The following ITPRID2 variants were observed in gnomAD, a reference collection of about 807,000 sequenced individuals.
The protein encoded by ITPRID2 is protein ITPRID2.
A neutral mutation model predicts 124.3 loss-of-function variants in ITPRID2; 60 were observed. The ratio of observed to expected loss-of-function variants is 0.48; its 90% CI spans 0.39 to 0.60. ITPRID2 has a LOEUF of 0.60. ITPRID2 is among the 20% of genes least tolerant of loss of function. ITPRID2 has a pLI of 0.00. For synonymous variants in ITPRID2, 521 were observed against 542.9 expected (o/e 0.96, Z 0.56); for missense variants, 1,553 against 1,512.2 (o/e 1.03, Z -0.45).
In ITPRID2 at chr2:181,916,024, T is replaced by A. The variant is rs1338747646; in HGVS notation, c.2384T>A (p.Leu795Ter). ...KRVMEHDGQS[L>*]VKSTIFISPS... The stretch of plus-strand genomic sequence containing the variant: ...GTGATGGAACATGATGGTCAGTCTT[T>A]AGTTAAATCGACCATTTTCATCTCT... The change falls in exon 11 of 18, where the codon TTA becomes TAA. Residue 795 changes from leucine (L) to a stop codon, truncating the protein, a stop_gained. Transcript: ENST00000431877. LOFTEE classifies it high-confidence loss of function. 1 of 1,614,162 alleles carries A rather than the reference T, an allele frequency of 6.2e-7. No individual in the cohort carries two copies. Among genetic ancestry groups the A allele is most frequent in the Non-Finnish European group, 8.5e-7 (1 of 1,180,032 alleles).
At chr2:181,900,656 T>G (rs1458474307) in intron 6 of ITPRID2, 40 bp from the exon 7 acceptor site, 1 of 1,414,476 alleles carries the variant, frequency 7.1e-7, no homozygotes, top group Admixed American at 1.9e-5. Flanking sequence ...CAATTTATTT[T>G]ATATTTTCAT....
intron 8 of ITPRID2, among the ~76,000 whole-genome samples, 182 bp from the exon 9 acceptor site, chr2:181,909,717 C>G (rs1057018391): frequency 6.6e-6 from 1 of 152,072 alleles, no homozygotes; most frequent in Admixed American, 6.6e-5. Context: ...GAAAATAGAT[C>G]AGAAAATTTA....
At chr2:181,925,774 C>T (rs1250242262) in intron 16 of ITPRID2, among the ~76,000 whole-genome samples, 1 of 152,140 alleles carries the variant, frequency 6.6e-6, no homozygotes, top group Non-Finnish European at 1.5e-5. Flanking sequence ...GGCAGTCAGG[C>T]TCCATTATAC....
Position 181,929,600 on chromosome 2 carries a change from T to C in ITPRID2, c.*53T>C, listed in dbSNP as rs544283228. 7.7e-5 allele frequency: 125 copies of C among 1,613,246 alleles called. No individual in the cohort carries two copies. In the South Asian group the frequency reaches 1.2e-3, roughly 16 times the overall value. On this transcript the variant is annotated 3_prime_UTR_variant, in exon 18 of 18. Coordinates refer to ENST00000431877, the MANE Select transcript of ITPRID2 (RefSeq NM_001130445.3). ...TATTAGCTGTGTAATACTGGAATTATCAATGATATGCACTGGTGGAGGTGT... is the reference window on the plus strand; with the variant it reads ...TATTAGCTGTGTAATACTGGAATTACCAATGATATGCACTGGTGGAGGTGT...
At position 181,918,823 on chromosome 2, in the gene ITPRID2, A is replaced by G. The variant is rs78894663; in HGVS notation, c.2934A>G (p.Leu978=). The change falls in exon 13 of 18, where the codon TTA becomes TTG. Residue 978 remains leucine (L), a synonymous_variant. Coordinates refer to ENST00000431877, the MANE Select transcript of ITPRID2 (RefSeq NM_001130445.3). ...LNLFRTQMMD[L]ELAMLRQQTM... ...TGTTTAGAACACAAATGATGGATTT[A>G]GAATTGGCAATGCTGCGTCAGCAAA... 1.5e-3 allele frequency: 2,391 copies of G among 1,614,212 alleles called. 26 individuals carry two copies. In the African/African-American group the frequency reaches 0.028, roughly 19 times the overall value.
At chr2:181,898,002 C>T (rs893761898) in intron 4 of ITPRID2, among the ~76,000 whole-genome samples, 5 of 151,848 alleles carry the variant, frequency 3.3e-5, no homozygotes, top group Admixed American at 6.6e-5. Context: ...TGATATTTGC[C>T]TTGGTAGTTT....
Position 181,915,913 on chromosome 2 carries a change from T to C in ITPRID2, c.2273T>C (p.Leu758Ser). The C allele has an allele frequency of 1.2e-6, 2 of 1,614,204 alleles. No individual in the cohort carries two copies. Among genetic ancestry groups the C allele is most frequent in the Non-Finnish European group, 8.5e-7 (1 of 1,180,030 alleles). Residue 758 changes from leucine to serine, a missense_variant, in exon 11 of 18, where the codon TTA becomes TCA. Leu to Ser is a moderately radical substitution (Grantham distance 145, BLOSUM62 -2). Transcript: ENST00000431877. The part of the protein sequence containing the change: ...VRVVSSVNVR[L>S]SPGKETRCSP... The stretch of plus-strand genomic sequence containing the variant: ...GTTGTGTCCTCTGTCAATGTTCGAT[T>C]ATCTCCAGGAAAAGAGACCAGATGC...
At chr2:181,916,592 G>A (rs6754192) in intron 11 of ITPRID2, 165 bp downstream of exon 11, 30,843 of 944,826 alleles carry the variant, frequency 0.033, 912 homozygotes, top group East Asian at 0.12. Flanking sequence ...CTTCCCTCCT[G>A]TTTCAAGGGA....
At chr2:181,895,996 C>G (rs1692166558) in intron 2 of ITPRID2, 34 bp from the exon 3 acceptor site, 4 of 1,600,512 alleles carry the variant, frequency 2.5e-6, no homozygotes, top group African/African-American at 2.7e-5. Context: ...TAGCCTTTCA[C>G]AAGACTAAGG....
At position 181,918,621 on chromosome 2, in the gene ITPRID2, T is replaced by C; in HGVS notation, c.2811T>C (p.Asp937=). 6.2e-7 allele frequency: 1 copy of C among 1,614,094 alleles called. No homozygotes were observed. The highest frequency in any genetic ancestry group is 8.5e-7 in the Non-Finnish European group (1 of 1,179,952). The change falls in exon 12 of 18, where the codon GAT becomes GAC. Residue 937 remains aspartate, a synonymous_variant. Transcript: ENST00000431877. ...AGTACCCTATGATGAGAGGACCTGA[T>C]CCTGCTGCTGCTCCATATAGTACTC... is the stretch of plus-strand genomic sequence containing the variant. ...LSQYPMMRGP[D]PAAAPYSTQK... is the part of the protein sequence containing the mutation.
chr2:181,925,965 AT>A (rs1405387887), intron 16 of ITPRID2, among the ~76,000 whole-genome samples: 2 of 152,158 alleles, frequency 1.3e-5, no homozygotes, highest in African/African-American at 4.8e-5. Flanking sequence ...TCAATAAATT[AT>A]TTTTCCTTTA....
chr2:181,918,363 A>G, intron 11 of ITPRID2: 2 of 1,281,386 alleles, frequency 1.6e-6, no homozygotes, highest in Non-Finnish European at 2.0e-6. Context: ...GATGTGAACT[A>G]TGTTCCTTCG....
At chr2:181,903,758 G>T (rs766621878) in intron 8 of ITPRID2, among the ~76,000 whole-genome samples, 1 of 151,308 alleles carries the variant, frequency 6.6e-6, no homozygotes, top group African/African-American at 2.4e-5. Flanking sequence ...ATTTCTCATC[G>T]TAATGAGTAT....
chr2:181,900,419 G>A (rs1156533051), intron 6 of ITPRID2, among the ~76,000 whole-genome samples: 1 of 152,050 alleles, frequency 6.6e-6, no homozygotes, highest in African/African-American at 2.4e-5. Context: ...AAACAAATAA[G>A]GTGAGGAATC....
chr2:181,898,944 CT>C, intron 5 of ITPRID2, 25 bp downstream of exon 5: 1 of 1,604,766 alleles, frequency 6.2e-7, no homozygotes, highest in African/African-American at 1.3e-5. Flanking sequence ...TGTTCTATTT[CT>C]TTTAAAAAAT....
Position 181,919,271 on chromosome 2 carries a change from T to G in ITPRID2, c.2994-25T>G. 1 of 1,612,716 alleles carries G rather than the reference T, an allele frequency of 6.2e-7. No homozygotes were observed. Among genetic ancestry groups the G allele is most frequent in the South Asian group, 1.1e-5 (1 of 90,948 alleles). On this transcript the variant is annotated intron_variant, in intron 13 of 17. Transcript: ENST00000431877. The surrounding 1 kb of genome is among the most constrained non-coding windows in gnomAD (Gnocchi z 4.2). The stretch of plus-strand genomic sequence containing the variant: ...AATCTCCAAACTGCATTTTTCCAAT[T>G]TTGTGCCCTTCACCATACCAATAGG...
Position 181,891,825 on chromosome 2 carries a change from C to T in ITPRID2, c.-242C>T, listed in dbSNP as rs1363508984. The T allele has an allele frequency of 1.1e-5, 4 of 359,192 alleles. No individual in the cohort carries two copies. The highest frequency in any genetic ancestry group is 1.4e-5 in the Non-Finnish European group (3 of 215,716). 22.3% of individuals were successfully genotyped at this position (359,192 alleles called of 1,614,324 possible). A position where few individuals can be genotyped will look rare whatever the true frequency, so the allele number is the denominator to read the frequency against. ...CGGCTCCCAGCCGCGCTCCCTCGGGCCACTAGCGCTCCCGCGCGCGCCCGG... is the reference window on the plus strand; with the variant it reads ...CGGCTCCCAGCCGCGCTCCCTCGGGTCACTAGCGCTCCCGCGCGCGCCCGG... On this transcript the variant is annotated 5_prime_UTR_variant, in exon 1 of 18. Transcript: ENST00000431877.
chr2:181,917,013 G>A, intron 11 of ITPRID2: 8 of 985,242 alleles, frequency 8.1e-6, no homozygotes, highest in Non-Finnish European at 9.6e-6. Context: ...CAGGTAAAGT[G>A]TGAATTTGAT....
intron 4 of ITPRID2, 130 bp downstream of exon 4, chr2:181,897,094 T>C: frequency 2.7e-6 from 2 of 740,876 alleles, no homozygotes; most frequent in Non-Finnish European, 4.7e-6. Context: ...CAGGCATATT[T>C]TACATTACCT....
Sources: gnomAD v4.1 joint callset for allele counts (sites outside exome capture counted in the v4.1 genomes callset) on GRCh38, gnomAD v4.1.1 for gene constraint, Gnocchi (gnomAD v3.1) non-coding constraint, MANE v1.5 for transcripts, NCBI Gene and HGNC (gene_info 2026-07-23, HGNC 2026-07-21) for gene names.